Variants in RPS6KC1 observed in about 807,000 individuals in gnomAD.
RPS6KC1 encodes inactive ribosomal protein S6 kinase delta-1.
RPS6KC1 carries 54 observed loss-of-function variants against 103.8 expected under a neutral mutation model. That is an observed-to-expected ratio of 0.52 (90% CI 0.42 to 0.65). The LOEUF is 0.65. Among genes scored for constraint, RPS6KC1 ranks in the 30% least tolerant of loss-of-function variants. The pLI, the probability that RPS6KC1 is intolerant of heterozygous loss-of-function variation, is 0.00. For synonymous variants in RPS6KC1, 439 were observed against 438.7 expected, an observed-to-expected ratio of 1.00 and a Z score of -0.01; for missense variants, 1,151 against 1,253.8, an observed-to-expected ratio of 0.92 and a Z score of 1.24.
At chr1:213,606,203 T>C in the RPS6KC1 span, among the ~76,000 whole-genome samples, 1 of 152,180 alleles carries the variant, frequency 6.6e-6, no homozygotes, top group African/African-American at 2.4e-5. Context: ...AGAAATATCA[T>C]GGAAGCCATG....
intron 8 of RPS6KC1, among the ~76,000 whole-genome samples, chr1:213,226,745 T>A (rs571231369): frequency 6.6e-6 from 1 of 152,340 alleles, no homozygotes; most frequent in African/African-American, 2.4e-5. Context: ...TCCTTATTCT[T>A]CATGGCTTCT....
At chr1:213,451,651 C>A in the RPS6KC1 span, among the ~76,000 whole-genome samples, 1 of 152,332 alleles carries the variant, frequency 6.6e-6, no homozygotes, top group African/African-American at 2.4e-5. Flanking sequence ...TGAGGCTAAG[C>A]TCCTATCGGC....
intron 3 of RPS6KC1, among the ~76,000 whole-genome samples, chr1:213,084,906 A>G (rs533181617): frequency 1.0e-3 from 155 of 152,316 alleles, no homozygotes; most frequent in Non-Finnish European, 2.1e-3. Context: ...ATCTGAAGGC[A>G]CATGATGTCT....
chr1:213,427,450 G>A, the RPS6KC1 span, among the ~76,000 whole-genome samples: 3 of 152,102 alleles, frequency 2.0e-5, no homozygotes, highest in Non-Finnish European at 4.4e-5. Context: ...AACCTCAAAG[G>A]CCAAATTTTA....
chr1:213,327,328 A>AG, the RPS6KC1 span, among the ~76,000 whole-genome samples: 1 of 151,630 alleles, frequency 6.6e-6, no homozygotes, highest in East Asian at 1.9e-4. Context: ...ATCCGTTAAA[A>AG]AAAAGCACAA....
At chr1:213,595,162 TG>T in the RPS6KC1 span, among the ~76,000 whole-genome samples, 4 of 152,192 alleles carry the variant, frequency 2.6e-5, no homozygotes, top group Admixed American at 2.6e-4. Context: ...TCCTCTTCTT[TG>T]TGTTGACTTT....
chr1:213,434,696 T>G, the RPS6KC1 span, among the ~76,000 whole-genome samples: 1 of 152,198 alleles, frequency 6.6e-6, no homozygotes, highest in Non-Finnish European at 1.5e-5. Flanking sequence ...CCTCAAGTGA[T>G]CCACCTGCCT....
chr1:213,309,512 G>A, the RPS6KC1 span, among the ~76,000 whole-genome samples: 6 of 152,136 alleles, frequency 3.9e-5, no homozygotes, highest in Non-Finnish European at 8.8e-5. Flanking sequence ...TTTGGACATC[G>A]TTAGTCCAGC....
rs111679357 is a variant in RPS6KC1, at chr1:213,273,700, G to T, written c.*1066G>T. The T allele has an allele frequency of 6.6e-6, 1 of 152,206 alleles. No homozygotes were observed. 9.4% of individuals were successfully genotyped at this position (152,206 alleles called of 1,614,324 possible). A position where few individuals can be genotyped will look rare whatever the true frequency, so the allele number is the denominator to read the frequency against. On this transcript the variant is annotated 3_prime_UTR_variant, in exon 15 of 15. Transcript: ENST00000366960. ...TCAGATTTGAACTAATCTATTTGACGTGATTTAGAAAGAATGTAAGTATTC... is the reference window on the plus strand; with the variant it reads ...TCAGATTTGAACTAATCTATTTGACTTGATTTAGAAAGAATGTAAGTATTC...
chr1:213,791,162 G>A, the RPS6KC1 span, among the ~76,000 whole-genome samples: 18 of 150,330 alleles, frequency 1.2e-4, no homozygotes, highest in African/African-American at 3.4e-4. Context: ...AGATTTTCAG[G>A]ACAAAAGAAA....
intron 6 of RPS6KC1, among the ~76,000 whole-genome samples, chr1:213,152,911 C>T (rs1423287687): frequency 2.0e-5 from 3 of 152,176 alleles, no homozygotes; most frequent in Admixed American, 6.5e-5. Context: ...GAGGTTGTAG[C>T]GAGCCGAGAT....
chr1:213,688,645 C>T, the RPS6KC1 span, among the ~76,000 whole-genome samples: 2 of 152,234 alleles, frequency 1.3e-5, no homozygotes, highest in Non-Finnish European at 2.9e-5. Flanking sequence ...CTGCTCCTTA[C>T]ATTCAACTCC....
the RPS6KC1 span, among the ~76,000 whole-genome samples, chr1:213,813,973 C>G: frequency 6.6e-6 from 1 of 152,206 alleles, no homozygotes; most frequent in Non-Finnish European, 1.5e-5. Context: ...GAAGCTGGGA[C>G]TAGAGAGACC....
chr1:213,642,441 C>T, the RPS6KC1 span, among the ~76,000 whole-genome samples: 1,478 of 152,152 alleles, frequency 9.7e-3, 19 homozygotes, highest in African/African-American at 0.033. Flanking sequence ...TAATATCACA[C>T]GTTCTTTTCT....
chr1:213,299,551 CAAA>C, the RPS6KC1 span, among the ~76,000 whole-genome samples: 7 of 105,250 alleles, frequency 6.7e-5, no homozygotes, highest in African/African-American at 3.8e-5. Flanking sequence ...GACTCCATCT[CAAA>C]AAAAAAAAAA....
the RPS6KC1 span, among the ~76,000 whole-genome samples, chr1:213,672,304 C>T: frequency 6.6e-6 from 1 of 152,238 alleles, no homozygotes; most frequent in Admixed American, 6.5e-5. Context: ...CTCATCCACT[C>T]TTGAAAGCCT....
the RPS6KC1 span, among the ~76,000 whole-genome samples, chr1:213,375,116 TATATACACATACACATATATACACAC>T: frequency 5.7e-5 from 8 of 141,584 alleles, no homozygotes; most frequent in African/African-American, 2.2e-4. Flanking sequence ...CATATACTTA[TATATACACATACACATATATACACAC>T]ATATACACAT....
chr1:213,396,348 C>T, the RPS6KC1 span, among the ~76,000 whole-genome samples: 1 of 152,204 alleles, frequency 6.6e-6, no homozygotes. Flanking sequence ...GCTGCTACTA[C>T]TGCCACCTGC....
intron 8 of RPS6KC1, among the ~76,000 whole-genome samples, chr1:213,211,604 A>G (rs1243053053): frequency 4.6e-5 from 7 of 152,262 alleles, no homozygotes; most frequent in African/African-American, 1.7e-4. Context: ...AGAATTTGAA[A>G]AATTATACAA....
Sources: gnomAD v4.1 joint callset for allele counts (sites outside exome capture counted in the v4.1 genomes callset) on GRCh38, gnomAD v4.1.1 for gene constraint, MANE v1.5 for transcripts, NCBI Gene and HGNC (gene_info 2026-07-23, HGNC 2026-07-21) for gene names.